Variants in RIC8B observed in about 807,000 individuals in gnomAD.
RIC8B encodes the protein RIC8 guanine nucleotide exchange factor B, also known as chaperone Ric-8B.
In RIC8B, 16 loss-of-function variants were observed where a neutral mutation model predicts 57.5. That is an observed-to-expected ratio of 0.28 (90% CI 0.19 to 0.42). The LOEUF is 0.42. RIC8B is among the 10% of genes least tolerant of loss of function. RIC8B has a pLI of 1.00. For synonymous variants in RIC8B, 216 were observed against 250.8 expected, an observed-to-expected ratio of 0.86 and a Z score of 1.31; for missense variants, 481 against 677.0, an observed-to-expected ratio of 0.71 and a Z score of 3.21.
At chr12:106,778,729 C>T (rs552783627) in intron 1 of RIC8B, among the ~76,000 whole-genome samples, 79 of 152,264 alleles carry the variant, frequency 5.2e-4, no homozygotes, top group Non-Finnish European at 1.0e-3. Context: ...TACCCTGTCT[C>T]TTCTGTGTTT....
chr12:106,843,777 G>C (rs1160268397), intron 5 of RIC8B, 75 bp from the exon 6 acceptor site: 2 of 984,592 alleles, frequency 2.0e-6, no homozygotes, highest in Non-Finnish European at 3.0e-6. Flanking sequence ...GATATCCTCA[G>C]TTACATGAAG....
intron 9 of RIC8B, among the ~76,000 whole-genome samples, chr12:106,878,831 C>G (rs140300078): frequency 2.6e-5 from 4 of 151,904 alleles, no homozygotes; most frequent in African/African-American, 4.8e-5. Context: ...TGTTCCCCCC[C>G]CCTTTTCTTC....
At chr12:106,818,715 T>C (rs2045701723) in intron 3 of RIC8B, among the ~76,000 whole-genome samples, 1 of 152,100 alleles carries the variant, frequency 6.6e-6, no homozygotes, top group African/African-American at 2.4e-5. Flanking sequence ...TCCCAAGTAG[T>C]TGAGATTACA....
At chr12:106,811,262 G>C (rs2045322521) in intron 2 of RIC8B, among the ~76,000 whole-genome samples, 1 of 152,176 alleles carries the variant, frequency 6.6e-6, no homozygotes, top group South Asian at 2.1e-4. Flanking sequence ...CGTCTGGTCA[G>C]GTATTCTCAG....
chr12:106,837,323 T>C (rs575308709), intron 4 of RIC8B, among the ~76,000 whole-genome samples: 41 of 152,152 alleles, frequency 2.7e-4, no homozygotes, highest in African/African-American at 9.6e-4. Flanking sequence ...GATGGCGCCA[T>C]TGTACTCCAG....
At chr12:106,843,792 G>T in intron 5 of RIC8B, 60 bp from the exon 6 acceptor site, 1 of 1,110,058 alleles carries the variant, frequency 9.0e-7, no homozygotes, top group South Asian at 1.4e-5. Flanking sequence ...ATGAAGGAAA[G>T]TAATACTGTT....
intron 3 of RIC8B, among the ~76,000 whole-genome samples, chr12:106,819,791 TATATATAAA>T: frequency 6.8e-6 from 1 of 147,708 alleles, no homozygotes; most frequent in Middle Eastern, 3.6e-3. Context: ...AATATATAAG[TATATATAAA>T]ATATATAAAA....
chr12:106,880,420 G>C (rs530612341), intron 9 of RIC8B, among the ~76,000 whole-genome samples: 1 of 152,168 alleles, frequency 6.6e-6, no homozygotes, highest in South Asian at 2.1e-4. Flanking sequence ...GAATATTGGG[G>C]ATCATCTTGT....
intron 2 of RIC8B, among the ~76,000 whole-genome samples, chr12:106,799,472 C>G (rs1363167981): frequency 2.0e-5 from 3 of 151,664 alleles, no homozygotes; most frequent in African/African-American, 7.3e-5. Flanking sequence ...CCAAGATTAC[C>G]TAGCCACAGG....
Position 106,807,214 on chromosome 12 carries a change from A to G in RIC8B, c.133-7482A>G, listed in dbSNP as rs73397385. On this transcript the variant is annotated intron_variant, in intron 2 of 9. Coordinates refer to ENST00000392837, the MANE Select transcript of RIC8B (RefSeq NM_001330145.2). ...GGTACAGATTCTGTATGGTACATCAATGGGATACCATATTTCAAAGCTGTA... is the reference window on the plus strand; with the variant it reads ...GGTACAGATTCTGTATGGTACATCAGTGGGATACCATATTTCAAAGCTGTA... 5.2e-3 allele frequency among the ~76,000 whole-genome samples: 787 copies of G among 152,322 alleles called. 8 individuals are homozygous for G. The highest frequency in any genetic ancestry group is 0.017 in the African/African-American group (719 of 41,574).
chr12:106,816,823 G>A (rs1387457758), intron 3 of RIC8B, among the ~76,000 whole-genome samples: 3 of 152,136 alleles, frequency 2.0e-5, no homozygotes, highest in East Asian at 1.9e-4. Flanking sequence ...AAGTAATATC[G>A]GAGCTAGAAG....
At chr12:106,878,088 G>GA (rs2136649133) in intron 9 of RIC8B, among the ~76,000 whole-genome samples, 1 of 152,208 alleles carries the variant, frequency 6.6e-6, no homozygotes, top group African/African-American at 2.4e-5. Context: ...GCTGAGGGAA[G>GA]GATCTCAGAA....
At chr12:106,884,811 C>T (rs1254261179) in intron 9 of RIC8B, among the ~76,000 whole-genome samples, 1 of 152,128 alleles carries the variant, frequency 6.6e-6, no homozygotes, top group Non-Finnish European at 1.5e-5. Context: ...GTGTGGCTGC[C>T]CCTTCCCAGG....
intron 8 of RIC8B, among the ~76,000 whole-genome samples, chr12:106,861,608 A>G (rs1288269775): frequency 2.6e-5 from 4 of 152,084 alleles, no homozygotes; most frequent in Non-Finnish European, 4.4e-5. Context: ...GATATTATCA[A>G]TTGGCTATCT....
At chr12:106,832,566 G>GA (rs5800719) in intron 4 of RIC8B, among the ~76,000 whole-genome samples, 57,784 of 143,112 alleles carry the variant, frequency 0.4, 11,554 homozygotes, top group African/African-American at 0.49. Flanking sequence ...GACTCTGTAT[G>GA]AAAAAAAAAA....
chr12:106,794,993 C>CA (rs565237300), intron 2 of RIC8B, among the ~76,000 whole-genome samples: 78 of 152,110 alleles, frequency 5.1e-4, no homozygotes, highest in African/African-American at 1.6e-3. Context: ...ATACACTTGC[C>CA]AAAAACAGCA....
chr12:106,776,909 C>T (rs1206424521), intron 1 of RIC8B, among the ~76,000 whole-genome samples: 1 of 152,176 alleles, frequency 6.6e-6, no homozygotes, highest in African/African-American at 2.4e-5. Context: ...CTGTATCTGT[C>T]ACCCAGGCTG....
intron 2 of RIC8B, among the ~76,000 whole-genome samples, chr12:106,793,788 CAG>C (rs996536638): frequency 6.6e-6 from 1 of 152,086 alleles, no homozygotes; most frequent in African/African-American, 2.4e-5. Context: ...TTTGAGGAAG[CAG>C]AGAGAGAATA....
intron 2 of RIC8B, among the ~76,000 whole-genome samples, chr12:106,786,101 A>G (rs2044009738): frequency 6.8e-6 from 1 of 147,292 alleles, no homozygotes; most frequent in African/African-American, 2.5e-5. Context: ...CTACAGCCCT[A>G]GGATCACAGG....
Sources: gnomAD v4.1 joint callset for allele counts (sites outside exome capture counted in the v4.1 genomes callset) on GRCh38, gnomAD v4.1.1 for gene constraint, MANE v1.5 for transcripts, NCBI Gene and HGNC (gene_info 2026-07-23, HGNC 2026-07-21) for gene names.